Variants in TNR observed in about 807,000 individuals in gnomAD.
TNR encodes tenascin R.
TNR carries 45 observed loss-of-function variants against 150.4 expected under a neutral mutation model. The observed-to-expected ratio is 0.30, with a 90% CI of 0.24 to 0.38. The LOEUF is 0.38. Among genes scored for constraint, TNR ranks in the 10% least tolerant of loss-of-function variants. The probability of loss-of-function intolerance (pLI) is 1.00; values close to 1 mark genes in which losing one functional copy is unlikely to be tolerated. For missense variants in TNR, 1,544 were observed against 1,759.1 expected (o/e 0.88, Z 2.19); for synonymous variants, 687 against 678.4 (o/e 1.01, Z -0.20).
intron 9 of TNR, among the ~76,000 whole-genome samples, chr1:175,374,160 T>C (rs1404858037): frequency 5.3e-5 from 8 of 152,262 alleles, no homozygotes; most frequent in Non-Finnish European, 5.9e-5. Flanking sequence ...GAGGTGGACA[T>C]TGAGTGCCGT....
chr1:175,568,973 T>G (rs1012175380), intron 1 of TNR, among the ~76,000 whole-genome samples: 1 of 152,002 alleles, frequency 6.6e-6, no homozygotes, highest in East Asian at 1.9e-4. Flanking sequence ...AGTAAGAGGC[T>G]TTTTTTTCTA....
chr1:175,371,012 T>TCCATG (rs1254437655), intron 9 of TNR, among the ~76,000 whole-genome samples: 2 of 151,620 alleles, frequency 1.3e-5, no homozygotes, highest in Non-Finnish European at 2.9e-5. Context: ...GCAGCTTTCT[T>TCCATG]CCATGCTACA....
In TNR at chr1:175,663,501, G is replaced by A. The variant is rs139492049; in HGVS notation, c.-165+79725C>T. Among the ~76,000 whole-genome samples the A allele has an allele frequency of 7.4e-3, 1,133 of 152,274 alleles. 8 individuals carry two copies. The highest frequency in any genetic ancestry group is 0.011 in the Non-Finnish European group (767 of 68,020). ...GGGATAAATGGCTTGTTAGCAGCAC[G>A]CACAGAAAACACACAAGGATTTTTG... On this transcript the variant is annotated intron_variant, in intron 1 of 22. Coordinates refer to ENST00000367674, the MANE Select transcript of TNR (RefSeq NM_003285.3).
chr1:175,400,739 TCCTC>T (rs1653669332), intron 4 of TNR, among the ~76,000 whole-genome samples: 1 of 152,142 alleles, frequency 6.6e-6, no homozygotes, highest in African/African-American at 2.4e-5. Flanking sequence ...CTCTCTCCTC[TCCTC>T]AGTCCCATGG....
At chr1:175,542,758 T>C (rs1304932280) in intron 1 of TNR, among the ~76,000 whole-genome samples, 1 of 152,230 alleles carries the variant, frequency 6.6e-6, no homozygotes, top group Non-Finnish European at 1.5e-5. Context: ...TCATATATAT[T>C]AATCATACAT....
chr1:175,349,616 T>C (rs1650960326), intron 18 of TNR, among the ~76,000 whole-genome samples: 2 of 152,184 alleles, frequency 1.3e-5, no homozygotes, highest in Admixed American at 1.3e-4. Flanking sequence ...ATCAAATGCC[T>C]GCCTATGGAA....
At chr1:175,644,010 A>C (rs920848910) in intron 1 of TNR, among the ~76,000 whole-genome samples, 1 of 152,250 alleles carries the variant, frequency 6.6e-6, no homozygotes, top group South Asian at 2.1e-4. Flanking sequence ...CACCCTCTGA[A>C]ATAAATTGTG....
rs570979448 is a variant in TNR at position 175,365,289 on chromosome 1, A to C, written c.2318-10T>G. 104 of 1,591,354 alleles carry C rather than the reference A, an allele frequency of 6.5e-5. 1 individual carries two copies. In the East Asian group the frequency reaches 2.3e-3, roughly 35 times the overall value. On this transcript the variant is annotated splice_polypyrimidine_tract_variant and intron_variant, in intron 11 of 22. Transcript: ENST00000367674. ...GAGATGGGACGGAAGCCTGCAAAGC[A>C]AAGGAGATGGATGGTCCTGAAACAC... is the stretch of plus-strand genomic sequence containing the variant.
chr1:175,586,714 G>C (rs1662590128), intron 1 of TNR, among the ~76,000 whole-genome samples: 1 of 152,198 alleles, frequency 6.6e-6, no homozygotes, highest in African/African-American at 2.4e-5. Context: ...ATCTTCATTA[G>C]AGTATGTTCC....
Position 175,320,764 on chromosome 1 carries a change from T to G in TNR, c.*2593A>C, listed in dbSNP as rs1350623525. 1 of 150,310 alleles carries G rather than the reference T, an allele frequency of 6.7e-6. No homozygotes were observed. Among genetic ancestry groups the G allele is most frequent in the Non-Finnish European group, 1.5e-5 (1 of 67,716 alleles). The allele number at this position is 150,310 out of a possible 1,614,324, so 9.3% of individuals were successfully genotyped here. A position where few individuals can be genotyped will look rare whatever the true frequency, so the allele number is the denominator to read the frequency against. Reference sequence around the variant, plus strand: ...CCTGAATCAATCTCTCTCTTTTCTTTCCCTCCCTCCCTCCCCTTCCTTCTT... The same window carrying G: ...CCTGAATCAATCTCTCTCTTTTCTTGCCCTCCCTCCCTCCCCTTCCTTCTT... On this transcript the variant is annotated 3_prime_UTR_variant, in exon 23 of 23. Transcript: ENST00000367674.
intron 9 of TNR, among the ~76,000 whole-genome samples, chr1:175,369,109 G>C (rs1057336012): frequency 6.6e-6 from 1 of 152,162 alleles, no homozygotes; most frequent in African/African-American, 2.4e-5. Flanking sequence ...ATGGTATTCT[G>C]TATTTATATA....
intron 3 of TNR, among the ~76,000 whole-genome samples, chr1:175,405,591 G>A (rs879385260): frequency 2.7e-5 from 4 of 146,628 alleles, no homozygotes; most frequent in African/African-American, 5.1e-5. Context: ...GTGTGCATGC[G>A]TGAGAGAGAG....
chr1:175,453,148 A>G (rs1352322121), intron 2 of TNR, among the ~76,000 whole-genome samples: 1 of 152,218 alleles, frequency 6.6e-6, no homozygotes, highest in Non-Finnish European at 1.5e-5. Flanking sequence ...ACAAAAGAGA[A>G]CCAAAGACAA....
intron 9 of TNR, among the ~76,000 whole-genome samples, chr1:175,374,246 C>A (rs1202193107): frequency 6.6e-6 from 1 of 152,186 alleles, no homozygotes; most frequent in African/African-American, 2.4e-5. Context: ...ACGTGGCCTG[C>A]CAGTGTACCC....
In TNR at chr1:175,485,759, T is replaced by G. The variant is rs922954725; in HGVS notation, c.-64+42510A>C. Among the ~76,000 whole-genome samples, 3 of 152,200 alleles carry G rather than the reference T, an allele frequency of 2.0e-5. No homozygotes were observed. In the East Asian group the frequency reaches 5.8e-4, roughly 29 times the overall value. ...GGATTTAGTATAATGTTTATTTATA[T>G]AGAATAAAATTGAGCCAGGCACGGC... is the stretch of plus-strand genomic sequence containing the variant. On this transcript the variant is annotated intron_variant, in intron 2 of 22. Coordinates refer to ENST00000367674, the MANE Select transcript of TNR (RefSeq NM_003285.3).
chr1:175,486,896 T>C (rs1310316530), intron 2 of TNR, among the ~76,000 whole-genome samples: 1 of 152,268 alleles, frequency 6.6e-6, no homozygotes. Flanking sequence ...TTTTTTCATA[T>C]GTTTGTTGCA....
chr1:175,345,093 G>A (rs373219601), intron 18 of TNR, among the ~76,000 whole-genome samples: 3 of 152,020 alleles, frequency 2.0e-5, no homozygotes, highest in African/African-American at 7.3e-5. Context: ...AGGTGACAGA[G>A]TGAGACTCTG....
intron 1 of TNR, among the ~76,000 whole-genome samples, chr1:175,740,108 A>G (rs1384965912): frequency 6.6e-6 from 1 of 152,188 alleles, no homozygotes; most frequent in Non-Finnish European, 1.5e-5. Context: ...CCCCTCCCAC[A>G]TCTTTGCTAC....
intron 1 of TNR, among the ~76,000 whole-genome samples, chr1:175,699,646 A>C (rs888375199): frequency 1.4e-4 from 22 of 151,954 alleles, no homozygotes; most frequent in Non-Finnish European, 2.2e-4. Context: ...TAGGTGGGAG[A>C]GTTGTTGGAG....
Sources: allele counts gnomAD v4.1 joint callset (sites outside exome capture counted in the v4.1 genomes callset), GRCh38; gene constraint gnomAD v4.1.1; transcripts MANE v1.5; gene names NCBI Gene and HGNC (gene_info 2026-07-23, HGNC 2026-07-21).